BRPF3: variants seen among roughly 807,000 people sequenced by gnomAD.
The protein encoded by BRPF3 is bromodomain and PHD finger containing 3, also known as bromodomain and PHD finger-containing protein 3.
A neutral mutation model predicts 102.0 loss-of-function variants in BRPF3; 18 were observed. The observed-to-expected ratio is 0.18, with a 90% CI of 0.12 to 0.26. The LOEUF is 0.26. BRPF3 is among the 10% of genes least tolerant of loss of function. The pLI is 1.00. For missense variants in BRPF3, 1,147 were observed against 1,567.8 expected, an observed-to-expected ratio of 0.73 and a Z score of 4.53; for synonymous variants, 570 against 614.2, an observed-to-expected ratio of 0.93 and a Z score of 1.06.
intron 1 of BRPF3, among the ~76,000 whole-genome samples, chr6:36,198,757 C>A (rs1197648012): frequency 6.6e-6 from 1 of 152,202 alleles, no homozygotes; most frequent in East Asian, 1.9e-4. Context: ...TCTGCCCACA[C>A]CATGGGGCCC....
At chr6:36,208,486 A>C (rs570881981) in intron 4 of BRPF3, among the ~76,000 whole-genome samples, 2 of 152,354 alleles carry the variant, frequency 1.3e-5, no homozygotes, top group African/African-American at 4.8e-5. Context: ...AAGGGGAAAA[A>C]AAAAAGATGT....
intron 10 of BRPF3, among the ~76,000 whole-genome samples, 181 bp downstream of exon 10, chr6:36,222,446 T>A (rs1294606526): frequency 1.4e-5 from 2 of 140,360 alleles, no homozygotes; most frequent in African/African-American, 5.3e-5. Flanking sequence ...TTTTTTTTTT[T>A]AATTGCATCT....
chr6:36,225,477 AG>A, intron 11 of BRPF3, 113 bp downstream of exon 11: 1 of 922,828 alleles, frequency 1.1e-6, no homozygotes, highest in African/African-American at 1.7e-5. Flanking sequence ...TTAGCTGTAG[AG>A]GGGAGGGGGG....
intron 11 of BRPF3, among the ~76,000 whole-genome samples, chr6:36,227,080 A>G (rs1768766808): frequency 6.6e-6 from 1 of 152,210 alleles, no homozygotes; most frequent in Admixed American, 6.5e-5. Context: ...TTCAGCCACC[A>G]CCTGAACACA....
At position 36,228,965 on chromosome 6, in the gene BRPF3, C is replaced by G. The variant is rs753557533; in HGVS notation, c.3343C>G (p.Pro1115Ala). The G allele has an allele frequency of 6.2e-7, 1 of 1,614,228 alleles. No homozygotes were observed. Among genetic ancestry groups the G allele is most frequent in the African/African-American group, 1.3e-5 (1 of 75,062 alleles). The change falls in exon 12 of 13, where the codon CCG (proline) becomes GCG (alanine). Residue 1115 changes from proline (P) to alanine (A), a missense_variant. By Grantham distance (27) the Pro-to-Ala change is conservative. Coordinates refer to ENST00000357641, the MANE Select transcript of BRPF3 (RefSeq NM_015695.3). ...CAATGGCGTTCCCATCCCTGTCCCC[C>G]CGCTGGACGTGCTGAAGCTGGGAGA... ...LHNGVPIPVP[P>A]LDVLKLGEQK...
In BRPF3 at chr6:36,223,952, T is replaced by C. The variant is rs141606766; in HGVS notation, c.3182-1315T>C. On this transcript the variant is annotated intron_variant, in intron 10 of 12. Coordinates refer to ENST00000357641, the MANE Select transcript of BRPF3 (RefSeq NM_015695.3). ...CTGTAATTGCATCAGTAGTATGTGA[T>C]TGCACCAGTTTCTACTCAGTCTACC... Among the ~76,000 whole-genome samples the C allele has an allele frequency of 6.6e-5, 10 of 152,362 alleles. No homozygotes were observed. In the East Asian group the frequency reaches 1.2e-3, roughly 18 times the overall value.
chr6:36,212,815 C>T (rs111447877), intron 7 of BRPF3, among the ~76,000 whole-genome samples: 224 of 151,918 alleles, frequency 1.5e-3, no homozygotes, highest in African/African-American at 5.0e-3. Flanking sequence ...TAGCCGGGCG[C>T]GGTGGCGGGC....
chr6:36,215,197 A>C (rs141871164), intron 8 of BRPF3, among the ~76,000 whole-genome samples: 3,880 of 151,756 alleles, frequency 0.026, 173 homozygotes, highest in African/African-American at 0.087. Flanking sequence ...GCTCACTGCA[A>C]CCTCTGCCTC....
intron 12 of BRPF3, among the ~76,000 whole-genome samples, chr6:36,229,452 A>T (rs535534735): frequency 2.6e-5 from 4 of 152,200 alleles, no homozygotes; most frequent in Non-Finnish European, 5.9e-5. Flanking sequence ...TAGTTATTCA[A>T]TGCCACTGCC....
intron 12 of BRPF3, among the ~76,000 whole-genome samples, chr6:36,229,889 C>T (rs1197590966): frequency 1.3e-5 from 2 of 152,184 alleles, no homozygotes; most frequent in African/African-American, 4.8e-5. Flanking sequence ...AAAGTCCAGA[C>T]CCTGTAGCCA....
chr6:36,211,410 C>T lies in BRPF3; in HGVS notation c.2332C>T (p.Leu778Phe), dbSNP rs769283134. ...CCTGCTACGCCGGGAGATCAATGCCCTTCGGCAGAAGCTGGCACAGCCACC... is the reference window on the plus strand; with the variant it reads ...CCTGCTACGCCGGGAGATCAATGCCTTTCGGCAGAAGCTGGCACAGCCACC... ...VRLLRREINA[L>F]RQKLAQPPPP... The change falls in exon 7 of 13, where the codon CTT becomes TTT. Residue 778 changes from leucine (L) to phenylalanine (F), a missense_variant. Leu to Phe is a conservative substitution (Grantham distance 22). Around this residue, in one of 11 missense-constraint regions of BRPF3, gnomAD observed 379 missense variants for 426.3 expected, o/e 0.89. Transcript: ENST00000357641. 5.0e-6 allele frequency: 8 copies of T among 1,613,798 alleles called. No individual in the cohort carries two copies. Among genetic ancestry groups the T allele is most frequent in the Admixed American group, 1.7e-5 (1 of 60,004 alleles).
chr6:36,219,207 C>T (rs1768440995), intron 9 of BRPF3, among the ~76,000 whole-genome samples: 1 of 152,178 alleles, frequency 6.6e-6, no homozygotes, highest in Admixed American at 6.5e-5. Context: ...CCCAGCTACT[C>T]GTTGGCCTGG....
In BRPF3 at chr6:36,230,646, C is replaced by T. The variant is rs115091679; in HGVS notation, c.*37C>T. The T allele has an allele frequency of 1.3e-4, 212 of 1,599,444 alleles. No homozygotes were observed. The African/African-American group carries it at 2.6e-3, about 19-fold the overall frequency. On this transcript the variant is annotated 3_prime_UTR_variant, in exon 13 of 13. Coordinates refer to ENST00000357641, the MANE Select transcript of BRPF3 (RefSeq NM_015695.3). The surrounding 1 kb of genome is among the most constrained non-coding windows in gnomAD (Gnocchi z 5.4). ...GGCCTGCATCCGCTTGCCCTGCCTCCATCCCGCAGGGCACAGAGAAGCCTC... is the reference window on the plus strand; with the variant it reads ...GGCCTGCATCCGCTTGCCCTGCCTCTATCCCGCAGGGCACAGAGAAGCCTC...
intron 11 of BRPF3, among the ~76,000 whole-genome samples, 188 bp downstream of exon 11, chr6:36,225,552 T>G (rs1477583739): frequency 6.6e-6 from 1 of 152,128 alleles, no homozygotes; most frequent in African/African-American, 2.4e-5. Context: ...AAAAATAGGC[T>G]AAAAGTATGC....
Position 36,230,403 on chromosome 6 carries a change from C to T in BRPF3, c.3435-23C>T, listed in dbSNP as rs1366918024. 1.9e-6 allele frequency: 3 copies of T among 1,612,406 alleles called. No homozygotes were observed. Among genetic ancestry groups the T allele is most frequent in the African/African-American group, 2.7e-5 (2 of 74,932 alleles). ...CCTGTGAGACCCACTACTGCCCAGC[C>T]TCTTACTGTGCTTGCATTTCAGGCA... On this transcript the variant is annotated intron_variant, in intron 12 of 12. Transcript: ENST00000357641. The surrounding 1 kb of genome is among the most constrained non-coding windows in gnomAD (Gnocchi z 5.4).
In BRPF3 at chr6:36,210,264, A is replaced by G; in HGVS notation, c.1915A>G (p.Met639Val). 2 of 1,614,224 alleles carry G rather than the reference A, an allele frequency of 1.2e-6. No homozygotes were observed. Among genetic ancestry groups the G allele is most frequent in the Non-Finnish European group, 1.7e-6 (2 of 1,180,036 alleles). ...FISKPMDFST[M>V]RRKLESHLYR... is the part of the protein sequence containing the mutation. ...ATCCAAGCCAATGGATTTTTCTACT[A>G]TGAGGCGGAAGCTGGAGTCCCACCT... The change falls in exon 6 of 13, where the codon ATG becomes GTG. Residue 639 changes from methionine (M) to valine (V), a missense_variant. This residue lies in a region of BRPF3 where 109 missense variants were observed against 175.1 expected (regional missense o/e 0.62). Coordinates refer to ENST00000357641, the MANE Select transcript of BRPF3 (RefSeq NM_015695.3). This position sits in a 1 kb window ranked among gnomAD's most constrained non-coding sequence, Gnocchi z 4.7.
At chr6:36,213,612 A>G (rs1264296491) in intron 7 of BRPF3, among the ~76,000 whole-genome samples, 2 of 151,870 alleles carry the variant, frequency 1.3e-5, no homozygotes, top group Non-Finnish European at 2.9e-5. Context: ...CTGAGGCAGG[A>G]TAATCACTTG....
rs774157573 is a variant in BRPF3 at position 36,201,487 on chromosome 6, C to G, written c.1165C>G (p.Pro389Ala). ...TGCCTACTGTGAGGCCCACTCGCCA[C>G]CAGGTGCGGCCACTGCTAGGAGGAA... ...KTAYCEAHSP[P>A]GAATARRKGD... is the part of the protein sequence containing the mutation. The change falls in exon 2 of 13, where the codon CCA becomes GCA. Residue 389 changes from proline to alanine, a missense_variant. Transcript: ENST00000357641. This position sits in a 1 kb window ranked among gnomAD's most constrained non-coding sequence, Gnocchi z 5.1. The G allele has an allele frequency of 1.9e-6, 3 of 1,614,156 alleles. No homozygotes were observed. The highest frequency in any genetic ancestry group is 2.2e-5 in the South Asian group (2 of 91,084).
Position 36,201,869 on chromosome 6 carries a change from A to G in BRPF3, c.1448+99A>G, listed in dbSNP as rs2127275915. The G allele has an allele frequency of 6.8e-7, 1 of 1,468,574 alleles. No homozygotes were observed. Among genetic ancestry groups the G allele is most frequent in the South Asian group, 1.4e-5 (1 of 69,248 alleles). The allele number at this position is 1,468,574 out of a possible 1,614,324, so 91.0% of individuals were successfully genotyped here. The stretch of plus-strand genomic sequence containing the variant: ...TTCGCTAAACACAGTTGGACACTAT[A>G]TCCTCCTCCCCGAATTTAAACTCTT... On this transcript the variant is annotated intron_variant, in intron 2 of 12. Transcript: ENST00000357641. This position sits in a 1 kb window ranked among gnomAD's most constrained non-coding sequence, Gnocchi z 5.1.
Sources: gnomAD v4.1 joint callset for allele counts (sites outside exome capture counted in the v4.1 genomes callset) on GRCh38, gnomAD v4.1.1 for gene constraint, gnomAD v4.1.1 regional missense constraint, Gnocchi (gnomAD v3.1) non-coding constraint, MANE v1.5 for transcripts, NCBI Gene and HGNC (gene_info 2026-07-23, HGNC 2026-07-21) for gene names.